Variants in CPQ observed in about 807,000 individuals in gnomAD.
CPQ encodes the protein carboxypeptidase Q.
CPQ carries 37 observed loss-of-function variants against 45.7 expected under a neutral mutation model. The ratio of observed to expected loss-of-function variants is 0.81; its 90% CI spans 0.62 to 1.07. CPQ has a LOEUF of 1.07. Ranked by LOEUF, CPQ falls within the 50% of genes least tolerant of loss-of-function variation. The pLI is 0.00. For synonymous variants in CPQ, 186 were observed against 205.8 expected, an observed-to-expected ratio of 0.90 and a Z score of 0.82; for missense variants, 537 against 572.9, an observed-to-expected ratio of 0.94 and a Z score of 0.64.
At chr8:97,105,524 A>G (rs1811389846) in intron 7 of CPQ, among the ~76,000 whole-genome samples, 1 of 152,246 alleles carries the variant, frequency 6.6e-6, no homozygotes, top group Non-Finnish European at 1.5e-5. Context: ...TGCTATAAAC[A>G]TTGGTATACA....
At chr8:96,841,700 G>T (rs1811612084) in intron 3 of CPQ, among the ~76,000 whole-genome samples, 1 of 152,220 alleles carries the variant, frequency 6.6e-6, no homozygotes, top group African/African-American at 2.4e-5. Context: ...TGGCCTTTGT[G>T]TACTGTATTG....
intron 1 of CPQ, among the ~76,000 whole-genome samples, chr8:96,769,444 A>G (rs1299202494): frequency 6.6e-6 from 1 of 152,082 alleles, no homozygotes; most frequent in Non-Finnish European, 1.5e-5. Flanking sequence ...GTGTGCATGT[A>G]TGACAGAATC....
At chr8:96,664,679 G>T (rs113858436) in intron 1 of CPQ, among the ~76,000 whole-genome samples, 3 of 152,116 alleles carry the variant, frequency 2.0e-5, no homozygotes, top group African/African-American at 7.2e-5. Context: ...GAGGAGTAAG[G>T]GTAAAGGCGT....
chr8:96,927,063 T>A (rs2130915601), intron 4 of CPQ, among the ~76,000 whole-genome samples: 1 of 152,366 alleles, frequency 6.6e-6, no homozygotes, highest in African/African-American at 2.4e-5. Flanking sequence ...CTATTAAACT[T>A]TGAGAAGTTT....
chr8:96,831,266 G>A (rs916043809), intron 2 of CPQ, among the ~76,000 whole-genome samples: 1 of 151,950 alleles, frequency 6.6e-6, no homozygotes, highest in African/African-American at 2.4e-5. Context: ...CACATTATGT[G>A]CTAGGCACTA....
At chr8:96,779,077 A>AAAAC (rs1378196364) in intron 1 of CPQ, among the ~76,000 whole-genome samples, 2,683 of 151,188 alleles carry the variant, frequency 0.018, 92 homozygotes, top group African/African-American at 0.061. Flanking sequence ...AAAAAAAAAA[A>AAAAC]AAAGGCATGT....
At chr8:96,870,522 G>A (rs1812053379) in intron 3 of CPQ, among the ~76,000 whole-genome samples, 1 of 151,966 alleles carries the variant, frequency 6.6e-6, no homozygotes, top group South Asian at 2.1e-4. Flanking sequence ...GAGGTTAAAA[G>A]CATGACTCCA....
intron 1 of CPQ, among the ~76,000 whole-genome samples, chr8:96,688,932 C>G (rs1376731593): frequency 1.3e-5 from 2 of 152,096 alleles, no homozygotes; most frequent in East Asian, 1.9e-4. Context: ...CCATATTTTT[C>G]TTGACCATTC....
intron 3 of CPQ, among the ~76,000 whole-genome samples, chr8:96,845,548 G>C (rs1280604152): frequency 6.6e-6 from 1 of 151,880 alleles, no homozygotes; most frequent in African/African-American, 2.4e-5. Flanking sequence ...TTTGAGACAG[G>C]GTCTTGCTCT....
At chr8:96,883,149 T>C (rs1812251462) in intron 4 of CPQ, among the ~76,000 whole-genome samples, 4 of 152,244 alleles carry the variant, frequency 2.6e-5, no homozygotes, top group Admixed American at 1.3e-4. Context: ...TGTACAGATA[T>C]ATGACAATTC....
At chr8:97,036,028 C>T (rs943119214) in intron 6 of CPQ, among the ~76,000 whole-genome samples, 2 of 152,096 alleles carry the variant, frequency 1.3e-5, no homozygotes, top group Admixed American at 6.6e-5. Context: ...ATCTTCATTT[C>T]GGTGTTCTGC....
chr8:96,775,817 C>T (rs1156721597), intron 1 of CPQ, among the ~76,000 whole-genome samples: 1 of 152,156 alleles, frequency 6.6e-6, no homozygotes. Context: ...GTAGAATCTC[C>T]ATACCATGGT....
intron 3 of CPQ, among the ~76,000 whole-genome samples, chr8:96,853,297 C>T (rs372636230): frequency 6.6e-6 from 1 of 152,204 alleles, no homozygotes; most frequent in Non-Finnish European, 1.5e-5. Flanking sequence ...GGCGCTGTGA[C>T]AGGCTCTAAT....
At chr8:96,837,416 C>T (rs552845701) in intron 3 of CPQ, among the ~76,000 whole-genome samples, 1 of 152,338 alleles carries the variant, frequency 6.6e-6, no homozygotes, top group South Asian at 2.1e-4. Context: ...TCTTACTTCA[C>T]TTTTATGAAG....
chr8:97,105,116 A>G (rs1811382398), intron 7 of CPQ, among the ~76,000 whole-genome samples: 1 of 152,250 alleles, frequency 6.6e-6, no homozygotes, highest in African/African-American at 2.4e-5. Context: ...CTTGATTAGC[A>G]TGCAGACAGC....
At chr8:97,127,266 C>G (rs1811863535) in intron 7 of CPQ, among the ~76,000 whole-genome samples, 1 of 152,112 alleles carries the variant, frequency 6.6e-6, no homozygotes, top group African/African-American at 2.4e-5. Context: ...TGACAAAGGA[C>G]TTGTAACTCT....
At chr8:96,766,414 G>A (rs1055755865) in intron 1 of CPQ, among the ~76,000 whole-genome samples, 2 of 152,064 alleles carry the variant, frequency 1.3e-5, no homozygotes, top group African/African-American at 4.8e-5. Flanking sequence ...CTGTGTTTAT[G>A]TCTTTCATGT....
chr8:96,858,448 A>T lies in CPQ; in HGVS notation c.642-21350A>T, dbSNP rs1811882178. Among the ~76,000 whole-genome samples the T allele has an allele frequency of 2.0e-5, 3 of 152,186 alleles. No individual in the cohort carries two copies. The South Asian group carries it at 6.2e-4, about 31-fold the overall frequency. Reference sequence around the variant, plus strand: ...TGGGTTCCTTGCACAGCAGCGTCTGATATCCTGCATGTTAGTTCTTTGTTT... The same window carrying T: ...TGGGTTCCTTGCACAGCAGCGTCTGTTATCCTGCATGTTAGTTCTTTGTTT... On this transcript the variant is annotated intron_variant, in intron 3 of 7. Transcript: ENST00000220763.
intron 4 of CPQ, among the ~76,000 whole-genome samples, chr8:96,916,715 G>A (rs1812738134): frequency 6.6e-6 from 1 of 151,974 alleles, no homozygotes; most frequent in South Asian, 2.1e-4. Context: ...CTTATACAGG[G>A]TACCACACTA....
Sources: gnomAD v4.1 joint callset for allele counts (sites outside exome capture counted in the v4.1 genomes callset) on GRCh38, gnomAD v4.1.1 for gene constraint, MANE v1.5 for transcripts, NCBI Gene and HGNC (gene_info 2026-07-23, HGNC 2026-07-21) for gene names.